Variants in TRIM23 observed in about 807,000 individuals in gnomAD.
The protein encoded by TRIM23 is E3 ubiquitin-protein ligase TRIM23.
A neutral mutation model predicts 71.0 loss-of-function variants in TRIM23; 27 were observed. The ratio of observed to expected loss-of-function variants is 0.38; its 90% CI spans 0.28 to 0.52. TRIM23 has a LOEUF of 0.52. TRIM23 is among the 20% of genes least tolerant of loss of function. The pLI is 0.84. For synonymous variants in TRIM23, 234 were observed against 238.0 expected, an observed-to-expected ratio of 0.98 and a Z score of 0.16; for missense variants, 482 against 692.3, an observed-to-expected ratio of 0.70 and a Z score of 3.41.
intron 6 of TRIM23, among the ~76,000 whole-genome samples, chr5:65,606,281 G>A (rs1332622513): frequency 1.3e-5 from 2 of 151,648 alleles, no homozygotes; most frequent in African/African-American, 2.4e-5. Flanking sequence ...CTGTCTCTAC[G>A]AAAAATACAA....
At chr5:65,614,397 CA>C (rs758385989) in intron 2 of TRIM23, among the ~76,000 whole-genome samples, 178 bp from the exon 3 acceptor site, 27 of 152,262 alleles carry the variant, frequency 1.8e-4, no homozygotes, top group African/African-American at 2.4e-4. Context: ...TCTTAAAAAA[CA>C]GAAGAATCCT....
At chr5:65,593,482 C>T (rs938224143) in intron 10 of TRIM23, among the ~76,000 whole-genome samples, 3 of 152,142 alleles carry the variant, frequency 2.0e-5, no homozygotes, top group Non-Finnish European at 1.5e-5. Flanking sequence ...TTATAAAACA[C>T]TTTCATCTTT....
intron 7 of TRIM23, 135 bp downstream of exon 7, chr5:65,604,776 C>G: frequency 1.4e-6 from 1 of 739,062 alleles, no homozygotes; most frequent in Non-Finnish European, 2.0e-6. Context: ...TTTCTATTTT[C>G]CACTGATAAA....
chr5:65,597,459 C>G (rs1281754796), intron 7 of TRIM23, among the ~76,000 whole-genome samples: 2 of 152,118 alleles, frequency 1.3e-5, no homozygotes. Flanking sequence ...AAATCTTAAA[C>G]ATGTTTTTAT....
At chr5:65,596,299 A>G (rs1754204410) in intron 9 of TRIM23, 122 bp downstream of exon 9, 2 of 682,642 alleles carry the variant, frequency 2.9e-6, no homozygotes, top group Non-Finnish European at 5.2e-6. Context: ...GAAACTGGCC[A>G]CAGGTACTTA....
chr5:65,615,904 A>C (rs1349511494), intron 2 of TRIM23, among the ~76,000 whole-genome samples: 2 of 152,230 alleles, frequency 1.3e-5, no homozygotes, highest in Non-Finnish European at 2.9e-5. Flanking sequence ...AGGGAAGACA[A>C]GAGAGACTCT....
intron 6 of TRIM23, 68 bp from the exon 7 acceptor site, chr5:65,605,113 C>G (rs2150630114): frequency 1.4e-6 from 2 of 1,399,248 alleles, no homozygotes; most frequent in South Asian, 3.1e-5. Flanking sequence ...ACTTATATTA[C>G]CAACTCACAA....
chr5:65,613,818 A>G, intron 3 of TRIM23: 1 of 1,335,170 alleles, frequency 7.5e-7, no homozygotes, highest in Non-Finnish European at 9.8e-7. Flanking sequence ...TTACTATTCC[A>G]TAATCTTCTT....
intron 3 of TRIM23, among the ~76,000 whole-genome samples, chr5:65,613,291 AAC>A (rs1754698067): frequency 6.6e-6 from 1 of 152,226 alleles, no homozygotes; most frequent in Non-Finnish European, 1.5e-5. Flanking sequence ...ACTTTTAGAA[AAC>A]AGAGTGTTGC....
At position 65,590,316 on chromosome 5, in the gene TRIM23, G is replaced by A; in HGVS notation, c.*1453C>T. The A allele has an allele frequency of 1.4e-6, 2 of 1,435,762 alleles. No homozygotes were observed. Among genetic ancestry groups the A allele is most frequent in the Non-Finnish European group, 1.9e-6 (2 of 1,042,400 alleles). The allele number at this position is 1,435,762 out of a possible 1,614,324, so 88.9% of individuals were successfully genotyped here. A position where few individuals can be genotyped will look rare whatever the true frequency, so the allele number is the denominator to read the frequency against. On this transcript the variant is annotated 3_prime_UTR_variant, in exon 11 of 11. Transcript: ENST00000231524. The stretch of plus-strand genomic sequence containing the variant: ...ATGACCTTTTACCTGAAAAATAAAG[G>A]ATGAAATATTACATTTATTTATTTA...
intron 1 of TRIM23, among the ~76,000 whole-genome samples, chr5:65,620,007 C>T (rs984777599): frequency 6.6e-6 from 1 of 152,112 alleles, no homozygotes. Flanking sequence ...ATTGCTTGAG[C>T]CTGGGAGGCG....
intron 1 of TRIM23, among the ~76,000 whole-genome samples, chr5:65,618,981 CAAAT>C (rs1351302825): frequency 1.3e-5 from 2 of 152,150 alleles, no homozygotes; most frequent in Admixed American, 1.3e-4. Flanking sequence ...TTATGTTTTA[CAAAT>C]AGTCAACAAA....
intron 7 of TRIM23, among the ~76,000 whole-genome samples, chr5:65,597,872 A>G (rs565958035): frequency 6.6e-6 from 1 of 152,256 alleles, no homozygotes; most frequent in African/African-American, 2.4e-5. Flanking sequence ...CACTTCTTTC[A>G]TCTCATAAAA....
chr5:65,617,665 T>G (rs1049785344), intron 2 of TRIM23, among the ~76,000 whole-genome samples: 1 of 152,202 alleles, frequency 6.6e-6, no homozygotes, highest in Admixed American at 6.5e-5. Flanking sequence ...TACAAACACT[T>G]CTGTCCTTGA....
chr5:65,613,051 T>A (rs560587940), intron 3 of TRIM23, among the ~76,000 whole-genome samples: 43 of 152,196 alleles, frequency 2.8e-4, no homozygotes, highest in Non-Finnish European at 5.4e-4. Context: ...AATAAAAATG[T>A]TTAAATACAT....
chr5:65,604,358 G>C (rs1006867043), intron 7 of TRIM23, among the ~76,000 whole-genome samples: 31 of 152,096 alleles, frequency 2.0e-4, no homozygotes, highest in African/African-American at 5.6e-4. Flanking sequence ...GCCTCCCAAA[G>C]TGCTGTTATT....
chr5:65,614,622 C>A (rs1206149311), intron 2 of TRIM23, among the ~76,000 whole-genome samples: 1 of 151,706 alleles, frequency 6.6e-6, no homozygotes, highest in Non-Finnish European at 1.5e-5. Flanking sequence ...ATAATCCCAG[C>A]CACTCAGGAG....
At chr5:65,613,776 T>C (rs1754712139) in intron 3 of TRIM23, 1 of 1,250,226 alleles carries the variant, frequency 8.0e-7, no homozygotes, top group Non-Finnish European at 1.0e-6. Context: ...TACTTTTGCA[T>C]CCTCTTCTCT....
chr5:65,614,872 C>T (rs1193184721), intron 2 of TRIM23, among the ~76,000 whole-genome samples: 1 of 152,026 alleles, frequency 6.6e-6, no homozygotes, highest in Admixed American at 6.6e-5. Flanking sequence ...ATATATTTTG[C>T]CACAGTTTAA....
Sources: gnomAD v4.1 joint callset for allele counts (sites outside exome capture counted in the v4.1 genomes callset) on GRCh38, gnomAD v4.1.1 for gene constraint, MANE v1.5 for transcripts, NCBI Gene and HGNC (gene_info 2026-07-23, HGNC 2026-07-21) for gene names.